Variants in RANBP9 observed in about 807,000 individuals in gnomAD.
RANBP9 encodes the protein ran-binding protein 9.
Under a neutral mutation model 84.3 loss-of-function variants are expected in RANBP9, and 15 were observed. The ratio of observed to expected loss-of-function variants is 0.18; its 90% CI spans 0.12 to 0.27. RANBP9 has a LOEUF of 0.27. Ranked by LOEUF, RANBP9 falls within the 10% of genes least tolerant of loss-of-function variation. RANBP9 has a pLI of 1.00. For missense variants in RANBP9, 809 were observed against 912.8 expected (o/e 0.89, Z 1.46); for synonymous variants, 392 against 349.6 (o/e 1.12, Z -1.35).
chr6:13,711,483 G>A lies in RANBP9; in HGVS notation c.23C>T (p.Pro8Leu), dbSNP rs1758286419. 1.1e-5 allele frequency: 14 copies of A among 1,245,674 alleles called. No homozygotes were observed. Among genetic ancestry groups the A allele is most frequent in the Non-Finnish European group, 1.4e-5 (14 of 994,206 alleles). 77.2% of individuals were successfully genotyped at this position (1,245,674 alleles called of 1,614,324 possible). Residue 8 changes from proline to leucine, a missense_variant, in exon 1 of 14, where the codon CCG becomes CTG. Physicochemically the swap from Pro to Leu is moderately conservative, Grantham distance 98. This residue lies in a region of RANBP9 where 302 missense variants were observed against 240.1 expected (regional missense o/e 1.26). Coordinates refer to ENST00000011619, the MANE Select transcript of RANBP9 (RefSeq NM_005493.3). Reference protein sequence around the residue: MSGQPPPPPPQQQQQQQQ... With the variant: MSGQPPPLPPQQQQQQQQ... ...CTGCTGTTGCTGCTGCTGCGGCGGCGGCGGCGGCGGCTGCCCGGACATCCC... is the reference window on the plus strand; with the variant it reads ...CTGCTGTTGCTGCTGCTGCGGCGGCAGCGGCGGCGGCTGCCCGGACATCCC...
chr6:13,663,262 T>C (rs1295562405), intron 2 of RANBP9, among the ~76,000 whole-genome samples: 1 of 151,942 alleles, frequency 6.6e-6, no homozygotes. Context: ...GACAGTGGAA[T>C]GAAATCTTTA....
At position 13,660,103 on chromosome 6, in the gene RANBP9, T is replaced by C. The variant is rs566551008; in HGVS notation, c.684-1271A>G. On this transcript the variant is annotated intron_variant, in intron 2 of 13. Transcript: ENST00000011619. Reference sequence around the variant, plus strand: ...TAGCCAGCTGGACAGCCACAATAACTACAGAAAACATAAAACAGGAATAAG... The same window carrying C: ...TAGCCAGCTGGACAGCCACAATAACCACAGAAAACATAAAACAGGAATAAG... Among the ~76,000 whole-genome samples the C allele has an allele frequency of 5.3e-5, 8 of 152,242 alleles. No individual in the cohort carries two copies. The East Asian group carries it at 1.3e-3, about 26-fold the overall frequency.
At chr6:13,641,742 AGAT>A (rs1488309952) in intron 7 of RANBP9, among the ~76,000 whole-genome samples, 1 of 152,226 alleles carries the variant, frequency 6.6e-6, no homozygotes, top group Non-Finnish European at 1.5e-5. Context: ...ATGTTAAATT[AGAT>A]GATAAGGATA....
intron 2 of RANBP9, among the ~76,000 whole-genome samples, chr6:13,670,305 AT>A (rs1228388064): frequency 6.6e-6 from 1 of 152,192 alleles, no homozygotes; most frequent in African/African-American, 2.4e-5. Context: ...AAATAAAAAA[AT>A]ATTTTCAAAA....
intron 1 of RANBP9, 70 bp from the exon 2 acceptor site, chr6:13,696,966 T>C: frequency 7.9e-7 from 1 of 1,258,872 alleles, no homozygotes; most frequent in Admixed American, 2.0e-5. Context: ...CCTTAAACAA[T>C]TCAGGAACAT....
intron 13 of RANBP9, among the ~76,000 whole-genome samples, chr6:13,623,023 A>C (rs1357707047): frequency 1.3e-5 from 2 of 152,198 alleles, no homozygotes; most frequent in Non-Finnish European, 2.9e-5. Flanking sequence ...GTGAGAGAAC[A>C]TACAGCAGAG....
chr6:13,690,028 A>ATAAG (rs137884532), intron 2 of RANBP9, among the ~76,000 whole-genome samples: 10 of 152,314 alleles, frequency 6.6e-5, no homozygotes, highest in African/African-American at 2.4e-4. Context: ...CTAGGTTTAC[A>ATAAG]TAAGTACCCT....
intron 2 of RANBP9, among the ~76,000 whole-genome samples, chr6:13,694,364 C>T (rs1190538737): frequency 2.0e-5 from 3 of 152,258 alleles, no homozygotes; most frequent in East Asian, 3.9e-4. Flanking sequence ...GGAGGAATCT[C>T]GAATGTGTTA....
At chr6:13,696,945 A>G (rs778640977) in intron 1 of RANBP9, 49 bp from the exon 2 acceptor site, 2 of 1,446,620 alleles carry the variant, frequency 1.4e-6, no homozygotes, top group Non-Finnish European at 1.9e-6. Context: ...ATATTCACTG[A>G]AAGATGAAAA....
chr6:13,681,307 C>T lies in RANBP9; in HGVS notation c.683+15478G>A, dbSNP rs145023464. Among the ~76,000 whole-genome samples, 422 of 146,068 alleles carry T rather than the reference C, an allele frequency of 2.9e-3. 2 individuals are homozygous for T. Among genetic ancestry groups the T allele is most frequent in the African/African-American group, 0.01 (395 of 39,004 alleles). ...AAAGGGGCAACAAGAGAGAGTTTGG[C>T]GTGGTTGTTATGTAATTTTAGTTGT... On this transcript the variant is annotated intron_variant, in intron 2 of 13. Transcript: ENST00000011619.
chr6:13,706,718 C>A (rs1396141182), intron 1 of RANBP9, among the ~76,000 whole-genome samples: 5 of 150,534 alleles, frequency 3.3e-5, no homozygotes. Flanking sequence ...AAGGACAATT[C>A]AGGCCAGGCG....
At chr6:13,698,321 A>G (rs1757891692) in intron 1 of RANBP9, among the ~76,000 whole-genome samples, 1 of 152,224 alleles carries the variant, frequency 6.6e-6, no homozygotes, top group African/African-American at 2.4e-5. Flanking sequence ...CTACTTCAAC[A>G]TATGATGCAG....
At chr6:13,670,361 C>G (rs1765746860) in intron 2 of RANBP9, among the ~76,000 whole-genome samples, 1 of 152,080 alleles carries the variant, frequency 6.6e-6, no homozygotes, top group Non-Finnish European at 1.5e-5. Flanking sequence ...TAAAAATTAA[C>G]ACAAAATGGA....
chr6:13,666,283 A>G (rs1479595474), intron 2 of RANBP9, among the ~76,000 whole-genome samples: 1 of 152,166 alleles, frequency 6.6e-6, no homozygotes, highest in Admixed American at 6.5e-5. Context: ...GATACCTTAT[A>G]AAATAATTAT....
chr6:13,653,003 T>C (rs1016398344), intron 4 of RANBP9, among the ~76,000 whole-genome samples: 1 of 152,176 alleles, frequency 6.6e-6, no homozygotes, highest in African/African-American at 2.4e-5. Context: ...AGAAAGTTGG[T>C]TGCAAAATAG....
At chr6:13,653,203 T>C (rs1765333689) in intron 4 of RANBP9, among the ~76,000 whole-genome samples, 1 of 152,184 alleles carries the variant, frequency 6.6e-6, no homozygotes, top group Non-Finnish European at 1.5e-5. Context: ...ATTCTTTAAC[T>C]TATGATTTAC....
chr6:13,622,066 T>G lies in RANBP9; in HGVS notation c.*296A>C. 1.2e-5 allele frequency: 2 copies of G among 172,592 alleles called. No individual in the cohort carries two copies. Among genetic ancestry groups the G allele is most frequent in the Non-Finnish European group, 1.2e-5 (1 of 82,154 alleles). 10.7% of individuals were successfully genotyped at this position (172,592 alleles called of 1,614,324 possible). On this transcript the variant is annotated 3_prime_UTR_variant, in exon 14 of 14. Coordinates refer to ENST00000011619, the MANE Select transcript of RANBP9 (RefSeq NM_005493.3). ...CCCTCCCCCACAAAGAAGGCAGGAT[T>G]TTTGGTTTCTTTTAGGTAATTGTTT...
In RANBP9 at chr6:13,711,049, G is replaced by A. The variant is rs144473823; in HGVS notation, c.457C>T (p.Arg153Cys). ...TGTTCGTCCACGGCCGGGTAGAGAC[G>A]CTTCAGCCGCCGCTGCAACTCCTTC... The part of the protein sequence containing the change: ...QEKELQRRLK[R>C]LYPAVDEQET... The change falls in exon 1 of 14, where the codon CGT becomes TGT. Residue 153 changes from arginine to cysteine, a missense_variant. Transcript: ENST00000011619. The A allele has an allele frequency of 6.3e-7, 1 of 1,585,706 alleles. No homozygotes were observed. The highest frequency in any genetic ancestry group is 1.1e-5 in the South Asian group (1 of 87,564).
chr6:13,642,512 G>C lies in RANBP9; in HGVS notation c.1192C>G (p.Leu398Val). 3 of 1,607,946 alleles carry C rather than the reference G, an allele frequency of 1.9e-6. No homozygotes were observed. The highest frequency in any genetic ancestry group is 2.6e-6 in the Non-Finnish European group (3 of 1,175,920). The change falls in exon 7 of 14, where the codon CTA (leucine) becomes GTA (valine). Residue 398 changes from leucine (L) to valine (V), a missense_variant. By Grantham distance (32) the Leu-to-Val change is conservative. This residue lies in a region of RANBP9 where 216 missense variants were observed against 329.0 expected (regional missense o/e 0.66). Transcript: ENST00000011619. ...TTCTTAATGGAAGCTAATTCTTCTA[G>C]AACGGTCTGGTCTGTAGATCTGGCA... The part of the protein sequence containing the change: ...AFARSTDQTV[L>V]EELASIKNRQ...
Sources: gnomAD v4.1 joint callset for allele counts (sites outside exome capture counted in the v4.1 genomes callset) on GRCh38, gnomAD v4.1.1 for gene constraint, gnomAD v4.1.1 regional missense constraint, MANE v1.5 for transcripts, NCBI Gene and HGNC (gene_info 2026-07-23, HGNC 2026-07-21) for gene names.